BICRAL: variants seen among roughly 807,000 people sequenced by gnomAD.
BICRAL encodes the protein BRD4-interacting chromatin-remodeling complex-associated protein-like.
A neutral mutation model predicts 91.8 loss-of-function variants in BICRAL; 8 were observed. That is an observed-to-expected ratio of 0.09 (90% CI 0.05 to 0.16). The LOEUF is 0.16. Among genes scored for constraint, BICRAL ranks in the 10% least tolerant of loss-of-function variants. The pLI is 1.00. For synonymous variants in BICRAL, 445 were observed against 491.1 expected (o/e 0.91, Z 1.24); for missense variants, 1,038 against 1,310.9 (o/e 0.79, Z 3.21).
intron 2 of BICRAL, among the ~76,000 whole-genome samples, chr6:42,811,582 C>T (rs1763845315): frequency 1.3e-5 from 2 of 151,162 alleles, no homozygotes; most frequent in Non-Finnish European, 2.9e-5. Context: ...GATTGCGCCA[C>T]TGCACTCCAG....
At chr6:42,794,178 C>T (rs142208209) in intron 1 of BICRAL, among the ~76,000 whole-genome samples, 2 of 151,922 alleles carry the variant, frequency 1.3e-5, no homozygotes, top group Non-Finnish European at 2.9e-5. Flanking sequence ...CCGCTCCTAG[C>T]TACTATAAAT....
intron 6 of BICRAL, among the ~76,000 whole-genome samples, chr6:42,847,959 C>T (rs1392090911): frequency 1.3e-5 from 2 of 152,130 alleles, no homozygotes. Flanking sequence ...GAAACCTCAT[C>T]TCTACTAAAA....
At chr6:42,845,665 G>T (rs897142559) in intron 6 of BICRAL, among the ~76,000 whole-genome samples, 2 of 151,946 alleles carry the variant, frequency 1.3e-5, no homozygotes, top group East Asian at 1.9e-4. Flanking sequence ...ATTGCCCCAG[G>T]CTATCTTTAC....
intron 6 of BICRAL, among the ~76,000 whole-genome samples, chr6:42,847,318 T>C (rs1461178861): frequency 1.3e-5 from 2 of 152,212 alleles, no homozygotes; most frequent in East Asian, 3.8e-4. Context: ...TGTAGATTTT[T>C]TATAGATGTT....
At chr6:42,831,330 A>T (rs1472223556) in intron 6 of BICRAL, among the ~76,000 whole-genome samples, 1 of 152,136 alleles carries the variant, frequency 6.6e-6, no homozygotes, top group African/African-American at 2.4e-5. Context: ...ACTCAGTGTG[A>T]CTCAGTAGTG....
intron 7 of BICRAL, chr6:42,852,483 G>A (rs1285761135): frequency 7.7e-6 from 4 of 521,684 alleles, no homozygotes; most frequent in Non-Finnish European, 1.1e-5. Context: ...CCAACATGAT[G>A]AAACCCCATC....
chr6:42,783,059 C>T (rs1003578118), intron 1 of BICRAL, among the ~76,000 whole-genome samples: 1 of 151,664 alleles, frequency 6.6e-6, no homozygotes, highest in Admixed American at 6.6e-5. Context: ...GCCGCATCTG[C>T]GGGCGGCCGC....
chr6:42,864,058 T>C (rs1317710152), intron 12 of BICRAL, among the ~76,000 whole-genome samples: 2 of 151,744 alleles, frequency 1.3e-5, no homozygotes, highest in East Asian at 3.9e-4. Flanking sequence ...TCCCAGCTAC[T>C]CGGGAAGCTA....
Position 42,810,360 on chromosome 6 carries a change from G to A in BICRAL, c.-47G>A, listed in dbSNP as rs1763817554. ...CAGCGATTTCACCTGAAGAAGCTTG[G>A]GAACTCCTGCCAAAAATTGTAGCAC... On this transcript the variant is annotated 5_prime_UTR_variant, in exon 2 of 13. Transcript: ENST00000314073. 1 of 152,126 alleles carries A rather than the reference G, an allele frequency of 6.6e-6. No homozygotes were observed. Among genetic ancestry groups the A allele is most frequent in the African/African-American group, 2.4e-5 (1 of 41,416 alleles). The allele number at this position is 152,126 out of a possible 1,614,324, so 9.4% of individuals were successfully genotyped here.
chr6:42,758,302 G>T (rs571439449), intron 1 of BICRAL, among the ~76,000 whole-genome samples: 2 of 152,216 alleles, frequency 1.3e-5, no homozygotes, highest in African/African-American at 4.8e-5. Flanking sequence ...AACCTCTGCT[G>T]GCTCTCTATT....
Position 42,829,672 on chromosome 6 carries a change from A to G in BICRAL, c.1339A>G (p.Asn447Asp). 1.2e-6 allele frequency: 2 copies of G among 1,614,176 alleles called. No homozygotes were observed. Among genetic ancestry groups the G allele is most frequent in the Non-Finnish European group, 1.7e-6 (2 of 1,180,024 alleles). ...CTCAGAGCATGTCATGTTGAACAGA[A>G]ACTCTTCCAACATGCTCAGGACCAA... is the stretch of plus-strand genomic sequence containing the variant. ...VASEHVMLNR[N>D]SSNMLRTNQP... Residue 447 changes from asparagine to aspartate, a missense_variant, in exon 6 of 13, where the codon AAC (asparagine) becomes GAC (aspartate). Transcript: ENST00000314073.
At chr6:42,818,075 T>C (rs1401050665) in intron 2 of BICRAL, among the ~76,000 whole-genome samples, 1 of 151,998 alleles carries the variant, frequency 6.6e-6, no homozygotes, top group East Asian at 1.9e-4. Flanking sequence ...TTGAAAGACA[T>C]TGCTAAATTG....
intron 1 of BICRAL, among the ~76,000 whole-genome samples, chr6:42,789,782 A>C (rs1763214640): frequency 6.6e-6 from 1 of 152,156 alleles, no homozygotes; most frequent in Non-Finnish European, 1.5e-5. Context: ...CATGGTACCA[A>C]GCTTGAGGGT....
chr6:42,810,007 G>A (rs1405224256), intron 1 of BICRAL, among the ~76,000 whole-genome samples: 2 of 151,710 alleles, frequency 1.3e-5, no homozygotes, highest in Admixed American at 6.6e-5. Flanking sequence ...GACTTGTCTC[G>A]AACTCCTGAC....
intron 2 of BICRAL, among the ~76,000 whole-genome samples, chr6:42,814,058 T>G (rs972360378): frequency 3.9e-5 from 6 of 152,046 alleles, no homozygotes; most frequent in Non-Finnish European, 8.8e-5. Context: ...AGACTGCAAC[T>G]ATTCCGTAGT....
At chr6:42,747,930 G>A (rs760930270) in intron 1 of BICRAL, among the ~76,000 whole-genome samples, 1 of 148,916 alleles carries the variant, frequency 6.7e-6, no homozygotes, top group Non-Finnish European at 1.5e-5. Context: ...TCAGCCTCCC[G>A]AGTAGCTGGG....
At chr6:42,794,773 A>AC (rs1763373142) in intron 1 of BICRAL, among the ~76,000 whole-genome samples, 1 of 121,924 alleles carries the variant, frequency 8.2e-6, no homozygotes, top group Non-Finnish European at 1.7e-5. Context: ...ACATGGTGAA[A>AC]CCCCCTCTCT....
chr6:42,756,926 C>T (rs1316314551), intron 1 of BICRAL, among the ~76,000 whole-genome samples: 2 of 103,118 alleles, frequency 1.9e-5, no homozygotes, highest in African/African-American at 7.2e-5. Flanking sequence ...CTCTCCCCCC[C>T]CCCCACCCTC....
intron 6 of BICRAL, among the ~76,000 whole-genome samples, chr6:42,832,023 G>A (rs1462710021): frequency 5.3e-5 from 8 of 151,894 alleles, no homozygotes; most frequent in South Asian, 2.1e-4. Flanking sequence ...GTAGGCATTC[G>A]CCACTGTGCT....
Sources: allele counts gnomAD v4.1 joint callset (sites outside exome capture counted in the v4.1 genomes callset), GRCh38; gene constraint gnomAD v4.1.1; transcripts MANE v1.5; gene names NCBI Gene and HGNC (gene_info 2026-07-23, HGNC 2026-07-21).